The following USP34 variants were observed in gnomAD, a reference collection of about 807,000 sequenced individuals.
The protein encoded by USP34 is ubiquitin carboxyl-terminal hydrolase 34.
USP34 carries 70 observed loss-of-function variants against 460.3 expected under a neutral mutation model. The ratio of observed to expected loss-of-function variants is 0.15; its 90% CI spans 0.13 to 0.19. The LOEUF (loss-of-function observed/expected upper bound fraction) is 0.19, where lower values mean the gene tolerates loss of function less well. Ranked by LOEUF, USP34 falls within the 10% of genes least tolerant of loss-of-function variation. USP34 has a pLI of 1.00. For missense variants in USP34, 3,985 were observed against 4,236.2 expected (o/e 0.94, Z 1.65); for synonymous variants, 1,647 against 1,405.3 (o/e 1.17, Z -3.85).
intron 5 of USP34, among the ~76,000 whole-genome samples, chr2:61,389,566 A>T (rs901338979): frequency 2.0e-5 from 3 of 152,212 alleles, no homozygotes; most frequent in Non-Finnish European, 2.9e-5. Context: ...AAATGAGAAA[A>T]GTAATGCTTA....
chr2:61,422,189 A>T (rs1330954175), intron 1 of USP34, among the ~76,000 whole-genome samples: 1 of 152,174 alleles, frequency 6.6e-6, no homozygotes, highest in African/African-American at 2.4e-5. Flanking sequence ...CAACCACTAA[A>T]AACAACCTCT....
intron 5 of USP34, among the ~76,000 whole-genome samples, chr2:61,384,202 T>G (rs1693064863): frequency 6.6e-6 from 1 of 152,168 alleles, no homozygotes; most frequent in Non-Finnish European, 1.5e-5. Context: ...ATAATAAAAG[T>G]TACAATAAAT....
chr2:61,383,257 T>C lies in USP34; in HGVS notation c.821+12A>G. ...ACTGATAATCGGGGGTAAAGAAATT[T>C]TATAAACTTACCTAATAACATAGGT... On this transcript the variant is annotated intron_variant, in intron 6 of 79. Transcript: ENST00000398571. 2 of 1,581,146 alleles carry C rather than the reference T, an allele frequency of 1.3e-6. No homozygotes were observed. The highest frequency in any genetic ancestry group is 8.6e-7 in the Non-Finnish European group (1 of 1,164,126).
chr2:61,240,414 G>A (rs1217270113), intron 53 of USP34, among the ~76,000 whole-genome samples: 1 of 152,028 alleles, frequency 6.6e-6, no homozygotes, highest in Non-Finnish European at 1.5e-5. Flanking sequence ...GAGTAGCTGG[G>A]ACTACAGGCG....
In USP34 at chr2:61,236,385, A is replaced by G. The variant is rs1373183310; in HGVS notation, c.6782T>C (p.Ile2261Thr). 2 of 1,589,312 alleles carry G rather than the reference A, an allele frequency of 1.3e-6. No homozygotes were observed. The highest frequency in any genetic ancestry group is 1.7e-6 in the Non-Finnish European group (2 of 1,169,652). Residue 2261 changes from isoleucine (I) to threonine (T), a missense_variant, in exon 54 of 80, where the codon ATT becomes ACT. Around this residue, in one of 14 missense-constraint regions of USP34, gnomAD observed 604 missense variants for 684.8 expected, o/e 0.88. Transcript: ENST00000398571. ...FDVSSELLEW[I>T]WHDNMQFLQD... ...AAGAAACTGCATGTTATCATGCCAA[A>G]TCCACTGAAAATAAAAATGTTAACA...
intron 1 of USP34, among the ~76,000 whole-genome samples, chr2:61,439,865 C>A (rs1167402458): frequency 6.6e-6 from 1 of 152,128 alleles, no homozygotes; most frequent in African/African-American, 2.4e-5. Flanking sequence ...AGAGAGGTGT[C>A]TGGGTGTGGA....
At chr2:61,353,366 G>A (rs1271138619) in intron 10 of USP34, among the ~76,000 whole-genome samples, 1 of 150,894 alleles carries the variant, frequency 6.6e-6, no homozygotes. Flanking sequence ...TATACCTGAA[G>A]TCCACCTGTT....
intron 16 of USP34, among the ~76,000 whole-genome samples, chr2:61,339,892 G>C (rs1030438955): frequency 1.3e-5 from 2 of 151,610 alleles, no homozygotes; most frequent in South Asian, 4.2e-4. Context: ...GGCTGGTCTT[G>C]AACTTGTGGC....
At chr2:61,223,838 TA>T (rs1687658072) in intron 62 of USP34, among the ~76,000 whole-genome samples, 1 of 152,204 alleles carries the variant, frequency 6.6e-6, no homozygotes, top group Admixed American at 6.5e-5. Flanking sequence ...ATATTTCTTT[TA>T]TAACTTATAA....
At chr2:61,198,020 A>G (rs1686858217) in intron 75 of USP34, among the ~76,000 whole-genome samples, 1 of 152,204 alleles carries the variant, frequency 6.6e-6, no homozygotes, top group African/African-American at 2.4e-5. Context: ...CAGCCTCCCA[A>G]AGTGCTGGGA....
intron 1 of USP34, among the ~76,000 whole-genome samples, chr2:61,454,870 CTTTTTTT>C (rs935894179): frequency 2.8e-5 from 1 of 36,294 alleles, no homozygotes; most frequent in African/African-American, 6.4e-5. Flanking sequence ...TTTTTTTTTT[CTTTTTTT>C]TTTTTTTTGG....
chr2:61,336,879 G>C (rs979239484), intron 18 of USP34, among the ~76,000 whole-genome samples: 1 of 148,888 alleles, frequency 6.7e-6, no homozygotes. Context: ...GCATTGTAGA[G>C]ATTACACTCT....
intron 32 of USP34, among the ~76,000 whole-genome samples, chr2:61,294,374 C>A (rs937883555): frequency 6.6e-6 from 1 of 151,680 alleles, no homozygotes; most frequent in Non-Finnish European, 1.5e-5. Flanking sequence ...CACACACACA[C>A]GAAAAAGCCT....
chr2:61,215,802 T>C (rs1161574282), intron 67 of USP34, among the ~76,000 whole-genome samples: 1 of 152,218 alleles, frequency 6.6e-6, no homozygotes, highest in Non-Finnish European at 1.5e-5. Flanking sequence ...CGTCATAACT[T>C]TATGTGGCAG....
chr2:61,227,268 T>C, intron 61 of USP34, 50 bp from the exon 62 acceptor site: 1 of 1,549,884 alleles, frequency 6.5e-7, no homozygotes, highest in East Asian at 2.4e-5. Context: ...TTTAATATCA[T>C]TTTGAGAACA....
At chr2:61,309,225 T>A in intron 27 of USP34, among the ~76,000 whole-genome samples, 1 of 152,122 alleles carries the variant, frequency 6.6e-6, no homozygotes, top group East Asian at 1.9e-4. Context: ...AAACATGAGA[T>A]ACATGTTTAA....
intron 10 of USP34, among the ~76,000 whole-genome samples, chr2:61,360,280 A>G (rs566595707): frequency 1.3e-3 from 195 of 152,290 alleles, no homozygotes; most frequent in Non-Finnish European, 1.9e-3. Flanking sequence ...ATGATCATAT[A>G]TATGTAGAAA....
At chr2:61,365,245 C>G (rs985929105) in intron 10 of USP34, among the ~76,000 whole-genome samples, 1 of 129,608 alleles carries the variant, frequency 7.7e-6, no homozygotes, top group Non-Finnish European at 1.6e-5. Flanking sequence ...GAGCAAGACT[C>G]CATTTCAAAA....
At chr2:61,281,275 GAGTT>G (rs1344053231) in intron 37 of USP34, 33 bp from the exon 38 acceptor site, 2 of 1,594,464 alleles carry the variant, frequency 1.3e-6, no homozygotes, top group African/African-American at 2.7e-5. Flanking sequence ...CAAACAGTGA[GAGTT>G]AGTATTACAA....
Sources: gnomAD v4.1 joint callset for allele counts (sites outside exome capture counted in the v4.1 genomes callset) on GRCh38, gnomAD v4.1.1 for gene constraint, gnomAD v4.1.1 regional missense constraint, MANE v1.5 for transcripts, NCBI Gene and HGNC (gene_info 2026-07-23, HGNC 2026-07-21) for gene names.